RAB43: variants seen among roughly 807,000 people sequenced by gnomAD.
The protein encoded by RAB43 is ras-related protein Rab-43.
A neutral mutation model predicts 18.8 loss-of-function variants in RAB43; 6 were observed. The observed-to-expected ratio is 0.32, with a 90% CI of 0.17 to 0.63. The LOEUF is 0.63. Ranked by LOEUF, RAB43 falls within the 30% of genes least tolerant of loss-of-function variation. The probability of loss-of-function intolerance (pLI) is 0.79; values close to 1 mark genes in which losing one functional copy is unlikely to be tolerated. For missense variants in RAB43, 195 were observed against 289.1 expected, an observed-to-expected ratio of 0.67 and a Z score of 2.36; for synonymous variants, 103 against 124.1, an observed-to-expected ratio of 0.83 and a Z score of 1.13.
rs1319408307 is a variant in RAB43, at chr3:129,091,251, A to G, written c.484T>C (p.Ser162Pro). The G allele has an allele frequency of 8.2e-6, 13 of 1,592,486 alleles. No homozygotes were observed. Among genetic ancestry groups the G allele is most frequent in the Non-Finnish European group, 1.1e-5 (13 of 1,168,398 alleles). ...TCCACGTTGCTCGAGTCCTTGGCAG[A>G]CGTCTCAATGGCACACAGGATGTCA... ...HYDILCAIETSAKDSSNVEEA... is the reference protein window; with the variant it reads ...HYDILCAIETPAKDSSNVEEA... The change falls in exon 3 of 3, where the codon TCT becomes CCT. Residue 162 changes from serine to proline, a missense_variant. Ser to Pro is a moderately conservative substitution (Grantham distance 74). Transcript: ENST00000315150.
chr3:129,120,496 T>G (rs1053060995), intron 1 of RAB43, among the ~76,000 whole-genome samples: 1 of 152,210 alleles, frequency 6.6e-6, no homozygotes, highest in African/African-American at 2.4e-5. Context: ...CCTGGTTGAT[T>G]AGGGAGTACT....
At chr3:129,099,677 C>T (rs976013469) in intron 1 of RAB43, among the ~76,000 whole-genome samples, 4 of 152,160 alleles carry the variant, frequency 2.6e-5, no homozygotes, top group East Asian at 1.9e-4. Context: ...TGAGCCACTG[C>T]GCCCAGCCTA....
intron 1 of RAB43, among the ~76,000 whole-genome samples, chr3:129,111,562 C>T (rs1022967400): frequency 2.0e-5 from 3 of 149,430 alleles, no homozygotes; most frequent in African/African-American, 7.4e-5. Context: ...TGGGATCCAG[C>T]AGCACCCTCC....
At chr3:129,118,338 T>C (rs868273652) in intron 1 of RAB43, among the ~76,000 whole-genome samples, 10 of 152,294 alleles carry the variant, frequency 6.6e-5, no homozygotes, top group Middle Eastern at 3.4e-3. Context: ...ATAAAGTAAT[T>C]TGATTAAATC....
chr3:129,097,821 T>C (rs868852169), intron 1 of RAB43, among the ~76,000 whole-genome samples: 40 of 152,216 alleles, frequency 2.6e-4, no homozygotes, highest in Admixed American at 3.9e-4. Flanking sequence ...TTTTGGAATG[T>C]AGATAACAAG....
intron 1 of RAB43, among the ~76,000 whole-genome samples, chr3:129,096,764 T>C (rs1376245326): frequency 6.6e-6 from 1 of 151,766 alleles, no homozygotes; most frequent in Non-Finnish European, 1.5e-5. Flanking sequence ...GAAGATAAAG[T>C]TGAAGAAATC....
chr3:129,121,395 G>A lies in RAB43; in HGVS notation c.95C>T (p.Thr32Met), dbSNP rs1353865160. The A allele has an allele frequency of 1.2e-6, 2 of 1,613,030 alleles. No homozygotes were observed. The highest frequency in any genetic ancestry group is 1.7e-6 in the Non-Finnish European group (2 of 1,179,544). ...VLVGDASVGK[T>M]CVVQRFKTGA... Reference sequence around the variant, plus strand: ...GGTCTTGAAGCGCTGCACCACGCACGTCTTGCCCACGCTTGCGTCGCCCAC... The same window carrying A: ...GGTCTTGAAGCGCTGCACCACGCACATCTTGCCCACGCTTGCGTCGCCCAC... The change falls in exon 1 of 3, where the codon ACG becomes ATG. Residue 32 changes from threonine (T) to methionine (M), a missense_variant. Transcript: ENST00000315150.
intron 1 of RAB43, among the ~76,000 whole-genome samples, chr3:129,114,318 G>A (rs905769165): frequency 2.6e-5 from 4 of 152,112 alleles, no homozygotes; most frequent in Non-Finnish European, 5.9e-5. Flanking sequence ...TTCATTTGTG[G>A]GTTTGTGTGT....
rs949465363 is a variant in RAB43 at position 129,107,339 on chromosome 3, G to T, written c.205-12170C>A. 6.6e-6 allele frequency among the ~76,000 whole-genome samples: 1 copy of T among 152,114 alleles called. No individual in the cohort carries two copies. The highest frequency in any genetic ancestry group is 2.4e-5 in the African/African-American group (1 of 41,430). On this transcript the variant is annotated intron_variant, in intron 1 of 2. Transcript: ENST00000315150. The surrounding 1 kb of genome is among the most constrained non-coding windows in gnomAD (Gnocchi z 4.2). ...TCCTGAACAGCTTGGATGAGAAAAA[G>T]GTGCACTGTGGGAAACGACCCTGGC...
At chr3:129,097,826 A>G (rs1007928313) in intron 1 of RAB43, among the ~76,000 whole-genome samples, 1 of 152,164 alleles carries the variant, frequency 6.6e-6, no homozygotes, top group African/African-American at 2.4e-5. Context: ...GAATGTAGAT[A>G]ACAAGCGGCC....
chr3:129,105,951 C>T (rs1371719223), intron 1 of RAB43, among the ~76,000 whole-genome samples: 1 of 152,182 alleles, frequency 6.6e-6, no homozygotes, highest in Admixed American at 6.5e-5. Context: ...ACCATCAATA[C>T]TTGCACAGTG....
rs185884110 is a variant in RAB43 at position 129,107,244 on chromosome 3, C to T, written c.205-12075G>A. 3.9e-5 allele frequency among the ~76,000 whole-genome samples: 6 copies of T among 152,334 alleles called. No homozygotes were observed. The highest frequency in any genetic ancestry group is 3.3e-4 in the Admixed American group (5 of 15,306). On this transcript the variant is annotated intron_variant, in intron 1 of 2. Transcript: ENST00000315150. This position sits in a 1 kb window ranked among gnomAD's most constrained non-coding sequence, Gnocchi z 4.2. ...TCCTTTACCATGGACGCGGCTCCTC[C>T]GCAAGCACATAGAAACTGCTTCCAA...
intron 1 of RAB43, among the ~76,000 whole-genome samples, chr3:129,105,150 T>C (rs1407394572): frequency 6.6e-6 from 1 of 152,158 alleles, no homozygotes; most frequent in Non-Finnish European, 1.5e-5. Context: ...ACAAGTTCAA[T>C]AGTAACAAAC....
chr3:129,092,513 A>G, intron 2 of RAB43: 1 of 700,244 alleles, frequency 1.4e-6, no homozygotes, highest in South Asian at 1.5e-5. Context: ...TGTAATTCCA[A>G]CTACTTGGAG....
chr3:129,096,061 C>T (rs943345818), intron 1 of RAB43, among the ~76,000 whole-genome samples: 1 of 152,252 alleles, frequency 6.6e-6, no homozygotes, highest in East Asian at 1.9e-4. Flanking sequence ...GTTCTCATGG[C>T]TCTCTGAAGA....
At chr3:129,105,429 G>A (rs1314252245) in intron 1 of RAB43, among the ~76,000 whole-genome samples, 2 of 151,920 alleles carry the variant, frequency 1.3e-5, no homozygotes, top group African/African-American at 4.8e-5. Flanking sequence ...CTCCAGCCTG[G>A]GCAACAGAGT....
intron 1 of RAB43, among the ~76,000 whole-genome samples, chr3:129,100,909 C>A (rs1463868727): frequency 6.6e-6 from 1 of 152,204 alleles, no homozygotes; most frequent in African/African-American, 2.4e-5. Context: ...CAGGTTGAAG[C>A]GATTCTCCTG....
Position 129,095,851 on chromosome 3 carries a change from G to A in RAB43, c.205-682C>T, listed in dbSNP as rs1934014263. Among the ~76,000 whole-genome samples the A allele has an allele frequency of 6.6e-6, 1 of 152,228 alleles. No homozygotes were observed. Among genetic ancestry groups the A allele is most frequent in the Admixed American group, 6.5e-5 (1 of 15,290 alleles). ...GGCTGTGGAGAAGAGGTGCCCATGG[G>A]TGGGAGGAGCTTCCCTAGTGTCTTT... On this transcript the variant is annotated intron_variant, in intron 1 of 2. Coordinates refer to ENST00000315150, the MANE Select transcript of RAB43 (RefSeq NM_198490.3). The surrounding 1 kb of genome is among the most constrained non-coding windows in gnomAD (Gnocchi z 4.2).
At chr3:129,091,622 A>G (rs900123213) in intron 2 of RAB43, among the ~76,000 whole-genome samples, 58 of 152,364 alleles carry the variant, frequency 3.8e-4, no homozygotes, top group African/African-American at 1.3e-3. Flanking sequence ...CCCCGTCTCA[A>G]TTTACCCAGA....
Sources: gnomAD v4.1 joint callset for allele counts (sites outside exome capture counted in the v4.1 genomes callset) on GRCh38, gnomAD v4.1.1 for gene constraint, Gnocchi (gnomAD v3.1) non-coding constraint, MANE v1.5 for transcripts, NCBI Gene and HGNC (gene_info 2026-07-23, HGNC 2026-07-21) for gene names.